Variants in KIF6 observed in about 807,000 individuals in gnomAD.
KIF6 encodes kinesin family member 6, also known as kinesin-like protein KIF6.
In KIF6, 106 loss-of-function variants were observed where a neutral mutation model predicts 112.7. The observed-to-expected ratio is 0.94, with a 90% CI of 0.80 to 1.11. The LOEUF (loss-of-function observed/expected upper bound fraction) is 1.11, where lower values mean the gene tolerates loss of function less well. Among genes scored for constraint, KIF6 ranks in the 50% least tolerant of loss-of-function variants. The pLI, the probability that KIF6 is intolerant of heterozygous loss-of-function variation, is 0.00. For missense variants in KIF6, 929 were observed against 964.0 expected, an observed-to-expected ratio of 0.96 and a Z score of 0.48; for synonymous variants, 339 against 339.9, an observed-to-expected ratio of 1.00 and a Z score of 0.03.
chr6:39,524,431 C>A (rs1187531448), intron 13 of KIF6, among the ~76,000 whole-genome samples: 1 of 152,150 alleles, frequency 6.6e-6, no homozygotes, highest in Non-Finnish European at 1.5e-5. Flanking sequence ...GGAAAACTTA[C>A]TGGCTGTGCT....
At chr6:39,615,340 G>A (rs1477625344) in intron 5 of KIF6, among the ~76,000 whole-genome samples, 2 of 152,174 alleles carry the variant, frequency 1.3e-5, no homozygotes, top group African/African-American at 2.4e-5. Flanking sequence ...GTGCAAGTTT[G>A]GAAAAGGGAG....
chr6:39,486,053 G>T (rs964450978), intron 13 of KIF6, among the ~76,000 whole-genome samples: 2 of 152,174 alleles, frequency 1.3e-5, no homozygotes, highest in African/African-American at 4.8e-5. Context: ...GAAGAACAAT[G>T]CTTGTGGCAG....
intron 5 of KIF6, chr6:39,617,765 A>C (rs1056728709): frequency 4.4e-6 from 2 of 455,294 alleles, no homozygotes; most frequent in Non-Finnish European, 8.8e-6. Flanking sequence ...CCGTCTAGAC[A>C]CCCTGACCTA....
At chr6:39,642,183 A>T (rs895263625) in intron 3 of KIF6, among the ~76,000 whole-genome samples, 1 of 152,196 alleles carries the variant, frequency 6.6e-6, no homozygotes, top group African/African-American at 2.4e-5. Context: ...ATGAACTTTG[A>T]AAATCCATTA....
rs373037080 is a variant in KIF6, at chr6:39,343,765, G to A, written c.2372C>T (p.Thr791Met). 232 of 1,613,032 alleles carry A rather than the reference G, an allele frequency of 1.4e-4. 1 individual carries two copies. The highest frequency in any genetic ancestry group is 1.9e-4 in the African/African-American group (14 of 75,014). ...SSIPLTGDSQ[T>M]DSDIIAFIKA... ...GATGAAGGCGATGATGTCCGAGTCC[G>A]TCTGGCTGTCTCCGGTGAGAGGGAT... Residue 791 changes from threonine to methionine, a missense_variant, in exon 22 of 23, where the codon ACG becomes ATG. Thr to Met is a moderately conservative substitution (Grantham distance 81). Coordinates refer to ENST00000287152, the MANE Select transcript of KIF6 (RefSeq NM_145027.6). This position sits in a 1 kb window ranked among gnomAD's most constrained non-coding sequence, Gnocchi z 4.1.
At chr6:39,397,027 C>T (rs572545737) in intron 15 of KIF6, among the ~76,000 whole-genome samples, 49 of 152,150 alleles carry the variant, frequency 3.2e-4, no homozygotes, top group Non-Finnish European at 5.6e-4. Flanking sequence ...CTCTCCGCCT[C>T]GGTGGGGAGG....
intron 13 of KIF6, among the ~76,000 whole-genome samples, chr6:39,497,486 G>A (rs1775854473): frequency 6.6e-6 from 1 of 152,150 alleles, no homozygotes; most frequent in South Asian, 2.1e-4. Context: ...TGGTTTGTGT[G>A]GAAAGGAAGA....
At chr6:39,504,848 C>A (rs1194712272) in intron 13 of KIF6, among the ~76,000 whole-genome samples, 1 of 152,036 alleles carries the variant, frequency 6.6e-6, no homozygotes, top group African/African-American at 2.4e-5. Flanking sequence ...AGAAATCAGT[C>A]ATGATACAGA....
At chr6:39,354,130 G>A (rs1717737597) in intron 19 of KIF6, 1 of 354,254 alleles carries the variant, frequency 2.8e-6, no homozygotes, top group South Asian at 2.4e-5. Flanking sequence ...TGGGATGGAA[G>A]GCATGGCTAG....
intron 15 of KIF6, among the ~76,000 whole-genome samples, chr6:39,413,270 A>G (rs1025157347): frequency 1.3e-5 from 2 of 152,166 alleles, no homozygotes; most frequent in Non-Finnish European, 2.9e-5. Context: ...TTCTCATAAG[A>G]ACTACCTCCC....
chr6:39,723,307 G>A (rs953789829), intron 1 of KIF6, among the ~76,000 whole-genome samples: 3 of 152,116 alleles, frequency 2.0e-5, no homozygotes, highest in Admixed American at 6.5e-5. Context: ...ATATGGAACA[G>A]GAATACAACA....
At chr6:39,702,166 T>C (rs762462742) in intron 3 of KIF6, among the ~76,000 whole-genome samples, 2 of 152,188 alleles carry the variant, frequency 1.3e-5, no homozygotes, top group Non-Finnish European at 2.9e-5. Flanking sequence ...TCCTTGTCCA[T>C]AGTGATCCTT....
In KIF6 at chr6:39,605,742, G is replaced by A. The variant is rs116109634; in HGVS notation, c.639+7447C>T. Among the ~76,000 whole-genome samples the A allele has an allele frequency of 4.8e-3, 726 of 152,266 alleles. 5 individuals carry two copies. Among genetic ancestry groups the A allele is most frequent in the Non-Finnish European group, 7.9e-3 (537 of 67,992 alleles). On this transcript the variant is annotated intron_variant, in intron 6 of 22. Transcript: ENST00000287152. ...AAGAAAGAACTCTAGAAGCACAGAT[G>A]TCCAGTGGTAGGCATAACAACCTAT... is the stretch of plus-strand genomic sequence containing the variant.
Position 39,378,267 on chromosome 6 carries a change from A to C in KIF6, c.1861+7355T>G, listed in dbSNP as rs1044028633. On this transcript the variant is annotated intron_variant, in intron 16 of 22. Transcript: ENST00000287152. This position sits in a 1 kb window ranked among gnomAD's most constrained non-coding sequence, Gnocchi z 5.0. ...ACACACCACACACACACACAAACCC[A>C]CAAACCACACACACATACACACCAC... Among the ~76,000 whole-genome samples the C allele has an allele frequency of 1.3e-5, 2 of 151,662 alleles. No homozygotes were observed. Among genetic ancestry groups the C allele is most frequent in the Non-Finnish European group, 2.9e-5 (2 of 67,868 alleles).
intron 13 of KIF6, among the ~76,000 whole-genome samples, chr6:39,487,854 C>T (rs1380341914): frequency 6.6e-6 from 1 of 152,106 alleles, no homozygotes; most frequent in African/African-American, 2.4e-5. Flanking sequence ...TTCCTATATC[C>T]CCAAAATTTA....
intron 19 of KIF6, among the ~76,000 whole-genome samples, 161 bp from the exon 20 acceptor site, chr6:39,346,687 GCCC>G (rs1327138814): frequency 6.6e-6 from 1 of 151,812 alleles, no homozygotes; most frequent in African/African-American, 2.4e-5. Flanking sequence ...CACTCTTGTT[GCCC>G]AAGCTGGAGT....
At chr6:39,458,139 C>T (rs961704227) in intron 13 of KIF6, among the ~76,000 whole-genome samples, 20 of 149,494 alleles carry the variant, frequency 1.3e-4, no homozygotes, top group South Asian at 4.3e-4. Context: ...ACTGGCAAAC[C>T]GAATCCAGCA....
chr6:39,577,820 C>T (rs1157668596), intron 10 of KIF6, among the ~76,000 whole-genome samples: 1 of 152,130 alleles, frequency 6.6e-6, no homozygotes, highest in African/African-American at 2.4e-5. Context: ...GAAGGATATT[C>T]CCATCCTCTC....
chr6:39,476,471 C>T (rs950444020), intron 13 of KIF6, among the ~76,000 whole-genome samples: 5 of 152,108 alleles, frequency 3.3e-5, no homozygotes, highest in African/African-American at 7.2e-5. Flanking sequence ...ACAACAGAAG[C>T]GAAGAAACTC....
Sources: allele counts gnomAD v4.1 joint callset (sites outside exome capture counted in the v4.1 genomes callset), GRCh38; gene constraint gnomAD v4.1.1; non-coding constraint Gnocchi (gnomAD v3.1); transcripts MANE v1.5; gene names NCBI Gene and HGNC (gene_info 2026-07-23, HGNC 2026-07-21).